The following GLIS3 variants were observed in gnomAD, a reference collection of about 807,000 sequenced individuals.
GLIS3 encodes the protein GLIS family zinc finger 3.
In GLIS3, 53 loss-of-function variants were observed where a neutral mutation model predicts 78.6. That is an observed-to-expected ratio of 0.67 (90% CI 0.54 to 0.85). GLIS3 has a LOEUF of 0.85. Ranked by LOEUF, GLIS3 falls within the 40% of genes least tolerant of loss-of-function variation. GLIS3 has a pLI of 0.00. For missense variants in GLIS3, 1,703 were observed against 1,231.1 expected, an observed-to-expected ratio of 1.38 and a Z score of -5.74; for synonymous variants, 684 against 509.9, an observed-to-expected ratio of 1.34 and a Z score of -4.60.
chr9:3,900,199 AAAAG>A (rs894174595), intron 6 of GLIS3, among the ~76,000 whole-genome samples: 1 of 152,104 alleles, frequency 6.6e-6, no homozygotes, highest in South Asian at 2.1e-4. Flanking sequence ...AAAAAAAAAA[AAAAG>A]GAGAAACAGA....
At chr9:4,095,844 G>C (rs1307860071) in intron 4 of GLIS3, among the ~76,000 whole-genome samples, 4 of 152,140 alleles carry the variant, frequency 2.6e-5, no homozygotes, top group Non-Finnish European at 5.9e-5. Flanking sequence ...CACAAGGTAA[G>C]TATTATTCTC....
chr9:4,363,748 A>G, the GLIS3 span, among the ~76,000 whole-genome samples: 1 of 150,076 alleles, frequency 6.7e-6, no homozygotes, highest in African/African-American at 2.5e-5. Flanking sequence ...TAGAAATTTC[A>G]TTTCATTTGT....
At chr9:3,864,455 T>A (rs1032398215) in intron 8 of GLIS3, among the ~76,000 whole-genome samples, 6 of 152,162 alleles carry the variant, frequency 3.9e-5, no homozygotes, top group African/African-American at 1.4e-4. Flanking sequence ...TTCTCATGGT[T>A]TCAAAATGCA....
intron 4 of GLIS3, among the ~76,000 whole-genome samples, chr9:4,084,295 A>ACACACACAC (rs777071830): frequency 5.7e-5 from 5 of 87,538 alleles, no homozygotes; most frequent in South Asian, 3.8e-4. Flanking sequence ...ACACACACAC[A>ACACACACAC]AATTCCTAGC....
chr9:4,098,979 C>A (rs1174001523), intron 4 of GLIS3, among the ~76,000 whole-genome samples: 1 of 152,144 alleles, frequency 6.6e-6, no homozygotes, highest in Non-Finnish European at 1.5e-5. Flanking sequence ...GAAGCCCTGA[C>A]ACATAACAGA....
intron 4 of GLIS3, among the ~76,000 whole-genome samples, chr9:4,046,806 A>G (rs534843942): frequency 6.6e-6 from 1 of 152,304 alleles, no homozygotes; most frequent in South Asian, 2.1e-4. Flanking sequence ...GTATGGGTTG[A>G]GAGACATGGC....
At chr9:4,338,024 C>CTGTGTGTGTGTGTGTG (rs74777663) in intron 2 of GLIS3, among the ~76,000 whole-genome samples, 6 of 138,972 alleles carry the variant, frequency 4.3e-5, no homozygotes, top group Admixed American at 3.5e-4. Context: ...ATTGGCAAGG[C>CTGTGTGTGTGTGTGTG]TGTGTGTGTG....
chr9:4,292,632 T>C (rs1039242318), intron 1 of GLIS3, among the ~76,000 whole-genome samples: 4 of 152,220 alleles, frequency 2.6e-5, no homozygotes, highest in Admixed American at 2.6e-4. Context: ...CACTGCTATC[T>C]TTCACTGTGC....
At chr9:4,105,954 G>A (rs903836879) in intron 4 of GLIS3, among the ~76,000 whole-genome samples, 6 of 152,152 alleles carry the variant, frequency 3.9e-5, no homozygotes, top group Admixed American at 1.3e-4. Context: ...TTGCTACAGG[G>A]AGGGACAACT....
At chr9:4,012,443 C>G (rs1232555491) in intron 4 of GLIS3, among the ~76,000 whole-genome samples, 1 of 151,824 alleles carries the variant, frequency 6.6e-6, no homozygotes, top group South Asian at 2.1e-4. Flanking sequence ...AAAAATAGAC[C>G]CACACACACA....
At chr9:4,140,945 C>T (rs1038760052) in intron 2 of GLIS3, among the ~76,000 whole-genome samples, 1 of 152,100 alleles carries the variant, frequency 6.6e-6, no homozygotes, top group Admixed American at 6.5e-5. Context: ...ATTATCGGCG[C>T]GTGCCACCAC....
At chr9:4,283,151 G>C (rs1207453667) in intron 2 of GLIS3, among the ~76,000 whole-genome samples, 2 of 151,866 alleles carry the variant, frequency 1.3e-5, no homozygotes, top group Non-Finnish European at 2.9e-5. Context: ...TGCAAAGCTA[G>C]CTCTTTACCT....
the GLIS3 span, among the ~76,000 whole-genome samples, chr9:4,434,173 G>A: frequency 6.6e-6 from 1 of 151,490 alleles, no homozygotes; most frequent in East Asian, 1.9e-4. Flanking sequence ...TCAGGCCAAT[G>A]CCACATTCTA....
chr9:4,281,531 A>G (rs1047503688), intron 2 of GLIS3, among the ~76,000 whole-genome samples: 1 of 152,198 alleles, frequency 6.6e-6, no homozygotes, highest in African/African-American at 2.4e-5. Flanking sequence ...GGAATCATAC[A>G]ATACGTGTCC....
intron 2 of GLIS3, among the ~76,000 whole-genome samples, chr9:4,191,721 A>G (rs1014048292): frequency 6.6e-6 from 1 of 152,224 alleles, no homozygotes; most frequent in African/African-American, 2.4e-5. Flanking sequence ...TTAACAAACA[A>G]GTCAATTAGT....
chr9:4,246,401 C>T (rs1417149817), intron 2 of GLIS3, among the ~76,000 whole-genome samples: 3 of 152,172 alleles, frequency 2.0e-5, no homozygotes, highest in African/African-American at 7.2e-5. Flanking sequence ...AGAATGTAGA[C>T]AGGAAGTAGA....
chr9:4,025,439 G>A (rs1211341939), intron 4 of GLIS3, among the ~76,000 whole-genome samples: 1 of 152,222 alleles, frequency 6.6e-6, no homozygotes, highest in African/African-American at 2.4e-5. Context: ...CCAGGCTGGA[G>A]TGGGGTGGCG....
At chr9:4,142,842 G>A (rs779119404) in intron 2 of GLIS3, among the ~76,000 whole-genome samples, 1 of 152,068 alleles carries the variant, frequency 6.6e-6, no homozygotes, top group Non-Finnish European at 1.5e-5. Context: ...CCATCTAAGT[G>A]TATGAAATTT....
intron 4 of GLIS3, among the ~76,000 whole-genome samples, chr9:3,982,687 A>T (rs955035695): frequency 2.0e-5 from 3 of 152,188 alleles, no homozygotes; most frequent in Non-Finnish European, 1.5e-5. Flanking sequence ...CAAAGATACT[A>T]CATGTCTGCT....
Sources: gnomAD v4.1 joint callset for allele counts (sites outside exome capture counted in the v4.1 genomes callset) on GRCh38, gnomAD v4.1.1 for gene constraint, MANE v1.5 for transcripts, NCBI Gene and HGNC (gene_info 2026-07-23, HGNC 2026-07-21) for gene names.